FILIP1L: variants seen among roughly 807,000 people sequenced by gnomAD.
The protein encoded by FILIP1L is filamin A-interacting protein 1-like.
FILIP1L carries 55 observed loss-of-function variants against 96.6 expected under a neutral mutation model. The observed-to-expected ratio is 0.57, with a 90% CI of 0.46 to 0.71. FILIP1L has a LOEUF of 0.71. Ranked by LOEUF, FILIP1L falls within the 30% of genes least tolerant of loss-of-function variation. FILIP1L has a pLI of 0.00. For synonymous variants in FILIP1L, 467 were observed against 473.9 expected (o/e 0.99, Z 0.19); for missense variants, 1,304 against 1,321.2 (o/e 0.99, Z 0.20).
At chr3:99,920,839 A>G (rs182349622) in intron 4 of FILIP1L, among the ~76,000 whole-genome samples, 2 of 152,232 alleles carry the variant, frequency 1.3e-5, no homozygotes, top group African/African-American at 2.4e-5. Context: ...CCATTATTAC[A>G]TCCTCTGAGG....
At chr3:99,893,833 G>C (rs7636447) in intron 4 of FILIP1L, among the ~76,000 whole-genome samples, 40,388 of 151,944 alleles carry the variant, frequency 0.27, 6,082 homozygotes, top group Admixed American at 0.34. Flanking sequence ...ATATCTTTAG[G>C]TTTTACTTCC....
chr3:100,101,645 G>A (rs969006760), intron 1 of FILIP1L, among the ~76,000 whole-genome samples: 3 of 152,128 alleles, frequency 2.0e-5, no homozygotes, highest in Non-Finnish European at 2.9e-5. Context: ...TATACTTTAA[G>A]TTTTAGGGTA....
intron 1 of FILIP1L, among the ~76,000 whole-genome samples, chr3:99,966,274 T>G (rs1394570361): frequency 6.6e-6 from 1 of 152,098 alleles, no homozygotes; most frequent in Non-Finnish European, 1.5e-5. Context: ...GTTGAAATGG[T>G]CAACTCCAGG....
Position 100,003,238 on chromosome 3 carries a change from G to T in FILIP1L, c.-10-72208C>A, listed in dbSNP as rs144461081. 4.6e-3 allele frequency among the ~76,000 whole-genome samples: 707 copies of T among 152,246 alleles called. 2 individuals carry two copies. Among genetic ancestry groups the T allele is most frequent in the South Asian group, 7.1e-3 (34 of 4,814 alleles). On this transcript the variant is annotated intron_variant, in intron 1 of 5. Transcript: ENST00000477258. ...GACTTCATACCAATGACCATGTGGA[G>T]AAAATAAAAGAATGTTAGAACTGGC...
chr3:99,884,857 T>A (rs1705842370), intron 4 of FILIP1L, among the ~76,000 whole-genome samples: 1 of 152,234 alleles, frequency 6.6e-6, no homozygotes, highest in Admixed American at 6.5e-5. Context: ...TTGAAGCAGC[T>A]GAATACTGAT....
rs1381945165 is a variant in FILIP1L, at chr3:99,958,343, C to T, written c.-10-27313G>A. Among the ~76,000 whole-genome samples the T allele has an allele frequency of 3.3e-5, 5 of 151,684 alleles. No homozygotes were observed. In the East Asian group the frequency reaches 5.8e-4, roughly 18 times the overall value. The stretch of plus-strand genomic sequence containing the variant: ...ACCCAGGGTCTATTTTTAACTGCCA[C>T]GGCTTGAGCAGAGCCATGAAGAGAG... On this transcript the variant is annotated intron_variant, in intron 1 of 5. Coordinates refer to ENST00000477258, the MANE Select transcript of FILIP1L (RefSeq NM_001387850.1).
At chr3:100,002,809 C>T (rs934029016) in intron 1 of FILIP1L, among the ~76,000 whole-genome samples, 1 of 152,102 alleles carries the variant, frequency 6.6e-6, no homozygotes, top group Admixed American at 6.6e-5. Context: ...TACATCCCAC[C>T]CCTATGACTT....
At chr3:99,990,720 T>C (rs1709486232) in intron 1 of FILIP1L, among the ~76,000 whole-genome samples, 1 of 151,992 alleles carries the variant, frequency 6.6e-6, no homozygotes, top group East Asian at 1.9e-4. Flanking sequence ...ACCCATTTCC[T>C]ATCAAGTGCC....
chr3:99,866,623 G>T (rs568672321), intron 4 of FILIP1L, among the ~76,000 whole-genome samples: 1 of 152,304 alleles, frequency 6.6e-6, no homozygotes, highest in East Asian at 1.9e-4. Flanking sequence ...GTACTTAGAG[G>T]TTCAGGCAGT....
At chr3:100,105,856 G>C (rs1331478885) in intron 1 of FILIP1L, among the ~76,000 whole-genome samples, 2 of 152,084 alleles carry the variant, frequency 1.3e-5, no homozygotes, top group Admixed American at 6.6e-5. Flanking sequence ...TTTTTGAAAG[G>C]AGTTGTAAGT....
intron 1 of FILIP1L, among the ~76,000 whole-genome samples, chr3:99,972,961 C>A (rs1456454886): frequency 6.6e-6 from 1 of 152,162 alleles, no homozygotes; most frequent in Non-Finnish European, 1.5e-5. Flanking sequence ...GATCTTCACA[C>A]CTTTGGCAAT....
intron 1 of FILIP1L, among the ~76,000 whole-genome samples, chr3:100,003,705 A>G (rs986267866): frequency 6.6e-6 from 1 of 152,090 alleles, no homozygotes; most frequent in Non-Finnish European, 1.5e-5. Context: ...TACTTGATCT[A>G]TGATCTTCAT....
At chr3:100,009,376 T>C (rs1710077984) in intron 1 of FILIP1L, among the ~76,000 whole-genome samples, 1 of 152,166 alleles carries the variant, frequency 6.6e-6, no homozygotes, top group Admixed American at 6.5e-5. Context: ...ATGATAGCAT[T>C]AAAAGCAGAA....
At chr3:100,063,095 C>A (rs373064121) in intron 1 of FILIP1L, among the ~76,000 whole-genome samples, 5 of 152,094 alleles carry the variant, frequency 3.3e-5, no homozygotes, top group Non-Finnish European at 7.4e-5. Flanking sequence ...TATTATATGC[C>A]TCTTTGTCAT....
intron 1 of FILIP1L, among the ~76,000 whole-genome samples, chr3:99,993,049 TTATTTTGGTTGCTATAGTCTTGTA>T (rs1185493395): frequency 3.3e-5 from 5 of 152,040 alleles, no homozygotes; most frequent in Admixed American, 1.3e-4. Context: ...CAGTGCCATG[TTATTTTGGTTGCTATAGTCTTGTA>T]TAATTTGAGT....
intron 5 of FILIP1L, among the ~76,000 whole-genome samples, chr3:99,833,697 T>C (rs1463693946): frequency 6.6e-6 from 1 of 152,242 alleles, no homozygotes; most frequent in East Asian, 1.9e-4. Flanking sequence ...GGAGCGGTCC[T>C]GACTCCAGGG....
intron 4 of FILIP1L, among the ~76,000 whole-genome samples, chr3:99,875,425 TC>T (rs1295131714): frequency 6.6e-6 from 1 of 152,266 alleles, no homozygotes; most frequent in Admixed American, 6.5e-5. Context: ...GTGAGGTTTG[TC>T]ATTTTTCCAA....
intron 1 of FILIP1L, among the ~76,000 whole-genome samples, chr3:100,103,960 C>T (rs192405132): frequency 5.3e-5 from 8 of 152,252 alleles, no homozygotes; most frequent in Admixed American, 2.6e-4. Context: ...TTTAATCAGG[C>T]GCATTAACTC....
chr3:99,960,306 A>G (rs1267806622), intron 1 of FILIP1L, among the ~76,000 whole-genome samples: 1 of 152,042 alleles, frequency 6.6e-6, no homozygotes, highest in Non-Finnish European at 1.5e-5. Context: ...TAGGATCCCC[A>G]TTTTACAGAT....
Sources: gnomAD v4.1 joint callset for allele counts (sites outside exome capture counted in the v4.1 genomes callset) on GRCh38, gnomAD v4.1.1 for gene constraint, MANE v1.5 for transcripts, NCBI Gene and HGNC (gene_info 2026-07-23, HGNC 2026-07-21) for gene names.